Variants in BMAL1 observed in about 807,000 individuals in gnomAD.
BMAL1 encodes basic helix-loop-helix ARNT-like protein 1.
At chr11:13,333,373 C>T in the BMAL1 span, among the ~76,000 whole-genome samples, 1 of 152,192 alleles carries the variant, frequency 6.6e-6, no homozygotes, top group Non-Finnish European at 1.5e-5. Flanking sequence ...AGCAGGTGTT[C>T]CAGAAACACT....
At chr11:13,329,784 A>G in the BMAL1 span, among the ~76,000 whole-genome samples, 1 of 151,892 alleles carries the variant, frequency 6.6e-6, no homozygotes, top group Non-Finnish European at 1.5e-5. Context: ...GGGGTACGGT[A>G]CGGATTTTTA....
the BMAL1 span, among the ~76,000 whole-genome samples, chr11:13,284,077 GGTGTGTGT>G: frequency 2.0e-3 from 174 of 85,618 alleles, 8 homozygotes; most frequent in African/African-American, 6.4e-3. Flanking sequence ...ACAGTGTTGG[GGTGTGTGT>G]GTGTGTGTGT....
the BMAL1 span, among the ~76,000 whole-genome samples, chr11:13,317,373 T>A: frequency 1.3e-5 from 2 of 152,240 alleles, no homozygotes; most frequent in Non-Finnish European, 2.9e-5. Context: ...TTTTGTTTTT[T>A]GTTTTGGAAA....
At chr11:13,361,206 C>T in the BMAL1 span, among the ~76,000 whole-genome samples, 8 of 152,274 alleles carry the variant, frequency 5.3e-5, no homozygotes, top group South Asian at 1.7e-3. Flanking sequence ...CTCTGTCTTG[C>T]TAAATCTCTG....
the BMAL1 span, among the ~76,000 whole-genome samples, chr11:13,359,453 T>C: frequency 6.6e-6 from 1 of 152,212 alleles, no homozygotes. Context: ...GCTGGAAGAA[T>C]GGCATTTAAA....
the BMAL1 span, among the ~76,000 whole-genome samples, chr11:13,293,483 C>A: frequency 6.6e-6 from 1 of 152,152 alleles, no homozygotes; most frequent in African/African-American, 2.4e-5. Flanking sequence ...AGACTGCAGC[C>A]CCATGGAGAT....
chr11:13,315,395 C>T, the BMAL1 span, among the ~76,000 whole-genome samples: 5 of 152,184 alleles, frequency 3.3e-5, no homozygotes, highest in Middle Eastern at 3.2e-3. Context: ...CAGCATCTAG[C>T]GCTTATGGAC....
At chr11:13,363,256 G>A in the BMAL1 span, among the ~76,000 whole-genome samples, 3 of 148,664 alleles carry the variant, frequency 2.0e-5, no homozygotes, top group Non-Finnish European at 4.5e-5. Flanking sequence ...GTGCTTAATC[G>A]TTTTCTTGTT....
chr11:13,377,733 A>G, the BMAL1 span, among the ~76,000 whole-genome samples: 4 of 152,262 alleles, frequency 2.6e-5, no homozygotes, highest in African/African-American at 7.2e-5. Context: ...TTCATCTATC[A>G]TGCTCTCATC....
chr11:13,303,370 A>G, the BMAL1 span, among the ~76,000 whole-genome samples: 1 of 152,234 alleles, frequency 6.6e-6, no homozygotes, highest in Non-Finnish European at 1.5e-5. Flanking sequence ...GAGATCATAT[A>G]ATAAATGACA....
At chr11:13,347,091 C>T in the BMAL1 span, among the ~76,000 whole-genome samples, 1 of 152,168 alleles carries the variant, frequency 6.6e-6, no homozygotes, top group Non-Finnish European at 1.5e-5. Context: ...CTGGTCTAAG[C>T]ATATAAGAGA....
the BMAL1 span, among the ~76,000 whole-genome samples, chr11:13,333,507 C>G: frequency 6.6e-6 from 1 of 152,224 alleles, no homozygotes; most frequent in Admixed American, 6.5e-5. Context: ...AGTCCATCCT[C>G]CTTCCTTCGG....
At chr11:13,286,444 T>C in the BMAL1 span, among the ~76,000 whole-genome samples, 2 of 152,202 alleles carry the variant, frequency 1.3e-5, no homozygotes, top group Non-Finnish European at 2.9e-5. Flanking sequence ...ACTGGCTGAG[T>C]AAATTTGAGT....
At chr11:13,311,471 A>G in the BMAL1 span, among the ~76,000 whole-genome samples, 1 of 152,204 alleles carries the variant, frequency 6.6e-6, no homozygotes, top group Non-Finnish European at 1.5e-5. Context: ...TGGCCTTGAG[A>G]AATGTAATGT....
chr11:13,374,084 T>C, the BMAL1 span: 4 of 1,609,384 alleles, frequency 2.5e-6, no homozygotes, highest in Non-Finnish European at 3.4e-6. Flanking sequence ...TATTCCTTTA[T>C]TCCCTTTTAG....
the BMAL1 span, among the ~76,000 whole-genome samples, chr11:13,330,591 A>G: frequency 6.6e-6 from 1 of 152,268 alleles, no homozygotes; most frequent in Non-Finnish European, 1.5e-5. Flanking sequence ...CCTGTTCTCC[A>G]TTTAGATGTA....
the BMAL1 span, among the ~76,000 whole-genome samples, chr11:13,315,683 T>G: frequency 6.6e-6 from 1 of 152,156 alleles, no homozygotes; most frequent in Non-Finnish European, 1.5e-5. Flanking sequence ...GGTCATGACC[T>G]CGGTTTGTGT....
chr11:13,386,445 T>G, the BMAL1 span: 5 of 786,554 alleles, frequency 6.4e-6, no homozygotes, highest in Non-Finnish European at 9.3e-6. Context: ...AACAGCGATA[T>G]AAAAAAAGAT....
At chr11:13,361,187 G>C in the BMAL1 span, among the ~76,000 whole-genome samples, 1 of 152,154 alleles carries the variant, frequency 6.6e-6, no homozygotes, top group African/African-American at 2.4e-5. Flanking sequence ...TGCTTGACTT[G>C]AGTGCTCTCT....
Sources: gnomAD v4.1 joint callset for allele counts (sites outside exome capture counted in the v4.1 genomes callset) on GRCh38, gnomAD v4.1.1 for gene constraint, MANE v1.5 for transcripts, NCBI Gene and HGNC (gene_info 2026-07-23, HGNC 2026-07-21) for gene names.